GLYATL2: variants seen among roughly 807,000 people sequenced by gnomAD.
GLYATL2 encodes the protein glycine-N-acyltransferase like 2, also known as glycine N-acyltransferase-like protein 2.
Under a neutral mutation model 21.4 loss-of-function variants are expected in GLYATL2, and 25 were observed. The observed-to-expected ratio is 1.17, with a 90% CI of 0.85 to 1.63. The LOEUF (loss-of-function observed/expected upper bound fraction) is 1.63, where lower values mean the gene tolerates loss of function less well. Among genes scored for constraint, GLYATL2 ranks in the 40% most tolerant of loss-of-function variants. The probability of loss-of-function intolerance (pLI) is 0.00; values close to 1 mark genes in which losing one functional copy is unlikely to be tolerated. For missense variants in GLYATL2, 361 were observed against 343.3 expected, an observed-to-expected ratio of 1.05 and a Z score of -0.41; for synonymous variants, 114 against 118.2, an observed-to-expected ratio of 0.96 and a Z score of 0.23.
rs563021304 is a variant in GLYATL2 at position 58,842,766 on chromosome 11, T to C, written c.-41+1668A>G. Among the ~76,000 whole-genome samples, 24 of 152,260 alleles carry C rather than the reference T, an allele frequency of 1.6e-4. 1 individual carries two copies. The highest frequency in any genetic ancestry group is 1.0e-3 in the South Asian group (5 of 4,824). ...GGACTCAGTGAGGCCACCATATTTG[T>C]GATTGAATTTTAACTTCATAGAGGC... On this transcript the variant is annotated intron_variant, in intron 1 of 5. Transcript: ENST00000287275.
At chr11:58,880,583 G>A (rs1854315458) in intron 1 of GLYATL2, among the ~76,000 whole-genome samples, 1 of 152,072 alleles carries the variant, frequency 6.6e-6, no homozygotes, top group African/African-American at 2.4e-5. Context: ...CAAGTGTATG[G>A]GTAATTTTAG....
At chr11:58,849,668 C>T (rs1236981942), upstream of GLYATL2, among the ~76,000 whole-genome samples, 1 of 152,110 alleles carries the variant, frequency 6.6e-6, no homozygotes, top group Non-Finnish European at 1.5e-5. Context: ...CAGGAGAAGG[C>T]AGCAAACTAA....
chr11:58,901,714 T>C (rs1003911120), intron 1 of GLYATL2, among the ~76,000 whole-genome samples: 1 of 152,064 alleles, frequency 6.6e-6, no homozygotes, highest in Non-Finnish European at 1.5e-5. Context: ...TCTAGCAAAT[T>C]ATCCTGTCCT....
intron 5 of GLYATL2, among the ~76,000 whole-genome samples, 160 bp downstream of exon 5, chr11:58,836,855 C>A (rs1034161213): frequency 2.0e-5 from 3 of 152,138 alleles, no homozygotes; most frequent in African/African-American, 7.2e-5. Flanking sequence ...AGGCTATGTC[C>A]ATGCTCAGTA....
upstream of GLYATL2, chr11:58,905,544 C>T (rs780282117): frequency 3.3e-5 from 15 of 456,198 alleles, no homozygotes; most frequent in East Asian, 6.9e-5. Context: ...AGCGCGAAAC[C>T]GCCAGGCATC....
chr11:58,855,582 A>T (rs518089), intron 1 of GLYATL2, among the ~76,000 whole-genome samples: 1 of 152,130 alleles, frequency 6.6e-6, no homozygotes, highest in Admixed American at 6.5e-5. Context: ...TCAACTTAAA[A>T]TAACCAGCTG....
intron 1 of GLYATL2, among the ~76,000 whole-genome samples, chr11:58,858,569 C>T (rs1288863996): frequency 6.6e-6 from 1 of 151,996 alleles, no homozygotes; most frequent in African/African-American, 2.4e-5. Flanking sequence ...ATTTACTATC[C>T]ACTACTCTTT....
upstream of GLYATL2, among the ~76,000 whole-genome samples, chr11:58,846,131 T>A (rs1565091134): frequency 6.6e-6 from 1 of 152,200 alleles, no homozygotes; most frequent in Admixed American, 6.5e-5. Flanking sequence ...AGTCAATACA[T>A]ATGTTTTATT....
In GLYATL2 at chr11:58,838,360, G is replaced by A. The variant is rs749611824; in HGVS notation, c.87C>T (p.Gly29=). 47 of 1,605,862 alleles carry A rather than the reference G, an allele frequency of 2.9e-5. No homozygotes were observed. The highest frequency in any genetic ancestry group is 1.6e-4 in the Middle Eastern group (1 of 6,064). ...KSIPESIKVY[G]AIFNIKDKNP... is the part of the protein sequence containing the mutation. ...TTTTATCTTTTATGTTGAAAATGGC[G>A]CCATATACCTACGATGCAACAGAAC... Residue 29 remains glycine (G), a synonymous_variant, in exon 3 of 6, where the codon GGC becomes GGT. Coordinates refer to ENST00000287275, the MANE Select transcript of GLYATL2 (RefSeq NM_145016.4).
intron 1 of GLYATL2, among the ~76,000 whole-genome samples, chr11:58,877,781 G>C (rs1854263903): frequency 6.6e-6 from 1 of 152,202 alleles, no homozygotes; most frequent in African/African-American, 2.4e-5. Context: ...AGGGGAATTG[G>C]AGATAGCATG....
At chr11:58,875,426 AC>A in intron 1 of GLYATL2, among the ~76,000 whole-genome samples, 1 of 152,306 alleles carries the variant, frequency 6.6e-6, no homozygotes, top group African/African-American at 2.4e-5. Context: ...AGTGGCTGGT[AC>A]TGGTTGTTCC....
intron 1 of GLYATL2, among the ~76,000 whole-genome samples, chr11:58,868,843 G>C (rs1854065457): frequency 6.7e-6 from 1 of 149,162 alleles, no homozygotes; most frequent in Admixed American, 6.9e-5. Context: ...TCATTTGTGG[G>C]CCCAGACAGA....
chr11:58,857,957 G>T (rs905212226), intron 1 of GLYATL2, among the ~76,000 whole-genome samples: 1 of 150,074 alleles, frequency 6.7e-6, no homozygotes, highest in Non-Finnish European at 1.5e-5. Flanking sequence ...TGAGGAATTA[G>T]GTAGGCAAGG....
intron 1 of GLYATL2, among the ~76,000 whole-genome samples, chr11:58,873,672 G>A (rs1854168944): frequency 6.6e-6 from 1 of 152,148 alleles, no homozygotes; most frequent in South Asian, 2.1e-4. Flanking sequence ...TTGATCTGTT[G>A]CTGGATTCAG....
chr11:58,866,445 C>T (rs1188458973), intron 1 of GLYATL2, among the ~76,000 whole-genome samples: 1 of 148,736 alleles, frequency 6.7e-6, no homozygotes, highest in Non-Finnish European at 1.5e-5. Context: ...TGAACAACCC[C>T]TCCCTGAGTG....
At chr11:58,895,859 CT>C (rs146831694) in intron 1 of GLYATL2, among the ~76,000 whole-genome samples, 10,918 of 143,238 alleles carry the variant, frequency 0.076, 577 homozygotes, top group East Asian at 0.15. Flanking sequence ...GAGGTTTCCT[CT>C]TTTTTTTTTT....
intron 1 of GLYATL2, among the ~76,000 whole-genome samples, chr11:58,868,607 C>T (rs538834027): frequency 6.0e-5 from 9 of 149,042 alleles, no homozygotes; most frequent in African/African-American, 2.2e-4. Flanking sequence ...CTAGACCACA[C>T]CCCTGGTATT....
rs755639436 is a variant in GLYATL2 at position 58,834,764 on chromosome 11, T to C, written c.550A>G (p.Lys184Glu). The C allele has an allele frequency of 2.0e-5, 32 of 1,613,858 alleles. No homozygotes were observed. The highest frequency in any genetic ancestry group is 2.6e-5 in the Non-Finnish European group (31 of 1,179,922). Residue 184 changes from lysine to glutamate, a missense_variant, in exon 6 of 6, where the codon AAA becomes GAA. Coordinates refer to ENST00000287275, the MANE Select transcript of GLYATL2 (RefSeq NM_145016.4). ...GLVNEHWAFGKNERSLKYIER... is the reference protein window; with the variant it reads ...GLVNEHWAFGENERSLKYIER... ...ATATATTTCAAGCTCCTCTCATTTT[T>C]CCCAAAGGCCCAGTGTTCATTCACA...
At position 58,834,492 on chromosome 11, in the gene GLYATL2, C is replaced by T; in HGVS notation, c.822G>A (p.Leu274=). 2 of 1,612,612 alleles carry T rather than the reference C, an allele frequency of 1.2e-6. No individual in the cohort carries two copies. The highest frequency in any genetic ancestry group is 1.7e-6 in the Non-Finnish European group (2 of 1,179,520). The change falls in exon 6 of 6, where the codon TTG becomes TTA. Residue 274 remains leucine, a synonymous_variant. Transcript: ENST00000287275. ...NEKSLQALNN[L]GFKICPCGWH... ...AGCCACAAGGACAAATCTTAAACCCCAAATTGTTCAGTGCCTGTAGGCTTT... is the reference window on the plus strand; with the variant it reads ...AGCCACAAGGACAAATCTTAAACCCTAAATTGTTCAGTGCCTGTAGGCTTT...
Sources: gnomAD v4.1 joint callset for allele counts (sites outside exome capture counted in the v4.1 genomes callset) on GRCh38, gnomAD v4.1.1 for gene constraint, MANE v1.5 for transcripts, NCBI Gene and HGNC (gene_info 2026-07-23, HGNC 2026-07-21) for gene names.